The following HABP4 variants were observed in gnomAD, a reference collection of about 807,000 sequenced individuals.
The protein encoded by HABP4 is intracellular hyaluronan-binding protein 4.
HABP4 carries 32 observed loss-of-function variants against 44.1 expected under a neutral mutation model. The observed-to-expected ratio is 0.73, with a 90% confidence interval of 0.55 to 0.97. The LOEUF (loss-of-function observed/expected upper bound fraction) is 0.97, where lower values mean the gene tolerates loss of function less well. Among genes scored for constraint, HABP4 ranks in the 50% least tolerant of loss-of-function variants. HABP4 has a pLI of 0.00. For synonymous variants in HABP4, 216 were observed against 218.0 expected, an observed-to-expected ratio of 0.99 and a Z score of 0.08; for missense variants, 503 against 561.9, an observed-to-expected ratio of 0.90 and a Z score of 1.06.
intron 5 of HABP4, 104 bp downstream of exon 5, chr9:96,471,198 A>C: frequency 1.4e-6 from 1 of 695,064 alleles, no homozygotes; most frequent in Non-Finnish European, 2.6e-6. Flanking sequence ...GCTGGAGTGC[A>C]ATGGCACAAT....
chr9:96,453,426 G>C (rs1333632617), intron 1 of HABP4, among the ~76,000 whole-genome samples: 2 of 148,426 alleles, frequency 1.3e-5, no homozygotes, highest in Non-Finnish European at 3.0e-5. Context: ...GTCCAGGCTG[G>C]TCTTGAACTC....
At chr9:96,464,296 A>G (rs1033631275) in intron 2 of HABP4, among the ~76,000 whole-genome samples, 1 of 152,204 alleles carries the variant, frequency 6.6e-6, no homozygotes, top group Non-Finnish European at 1.5e-5. Flanking sequence ...TAGCATTAGC[A>G]TGGGGGGCCA....
chr9:96,472,265 C>T (rs778446120), intron 5 of HABP4, among the ~76,000 whole-genome samples: 9 of 152,158 alleles, frequency 5.9e-5, no homozygotes, highest in Non-Finnish European at 8.8e-5. Flanking sequence ...AGTAAATTCC[C>T]GGTCACTGAT....
intron 2 of HABP4, among the ~76,000 whole-genome samples, chr9:96,460,312 A>G (rs753704031): frequency 6.6e-5 from 10 of 152,138 alleles, no homozygotes; most frequent in Non-Finnish European, 1.2e-4. Context: ...GAGACCCCCC[A>G]CATACTAACT....
intron 5 of HABP4, chr9:96,483,270 A>T (rs1832910382): frequency 6.6e-6 from 1 of 152,034 alleles, no homozygotes; most frequent in African/African-American, 2.4e-5. Context: ...GCCTATTTGT[A>T]TATCTTCTCT....
chr9:96,482,157 C>T (rs1470282704), intron 5 of HABP4, among the ~76,000 whole-genome samples: 4 of 152,104 alleles, frequency 2.6e-5, no homozygotes, highest in Non-Finnish European at 5.9e-5. Flanking sequence ...CCAGGCTGGT[C>T]TCGAACTCCT....
At chr9:96,456,780 AATATATATATATATAT>A (rs71368267) in intron 1 of HABP4, among the ~76,000 whole-genome samples, 1,452 of 44,760 alleles carry the variant, frequency 0.032, 61 homozygotes, top group East Asian at 0.12. Flanking sequence ...AAAAAAAAAA[AATATATATATATATAT>A]ATATATATAT....
intron 6 of HABP4, among the ~76,000 whole-genome samples, chr9:96,487,292 TTTTAC>T (rs776185266): frequency 1.3e-5 from 2 of 152,182 alleles, no homozygotes; most frequent in Non-Finnish European, 2.9e-5. Context: ...TTCTGTAGGT[TTTTAC>T]TTTACTTAAA....
intron 5 of HABP4, among the ~76,000 whole-genome samples, chr9:96,476,679 T>C (rs1013519160): frequency 3.9e-5 from 6 of 152,364 alleles, no homozygotes; most frequent in African/African-American, 1.4e-4. Context: ...TAGTCATTGC[T>C]AAAACTGCCG....
At chr9:96,457,316 G>A (rs1356929207) in intron 1 of HABP4, among the ~76,000 whole-genome samples, 5 of 152,006 alleles carry the variant, frequency 3.3e-5, no homozygotes, top group Non-Finnish European at 7.4e-5. Flanking sequence ...ACTCCAGCCT[G>A]GGCAACAAGA....
chr9:96,467,309 G>A lies in HABP4; in HGVS notation c.743+1531G>A, dbSNP rs182067968. ...ACAAACTAATATCAAATGTAACAGC[G>A]TTAGATTTACTACCATTGCTCATTT... On this transcript the variant is annotated intron_variant, in intron 4 of 7. Coordinates refer to ENST00000375249, the MANE Select transcript of HABP4 (RefSeq NM_014282.4). Among the ~76,000 whole-genome samples the A allele has an allele frequency of 8.8e-4, 134 of 151,808 alleles. 1 individual carries two copies. The highest frequency in any genetic ancestry group is 1.6e-3 in the Non-Finnish European group (109 of 68,018).
intron 5 of HABP4, among the ~76,000 whole-genome samples, chr9:96,481,432 A>T (rs971188662): frequency 2.6e-5 from 4 of 152,042 alleles, no homozygotes; most frequent in African/African-American, 9.7e-5. Context: ...TAATTCTCGT[A>T]CTATAGCACT....
In HABP4 at chr9:96,468,175, C is replaced by T. The variant is rs112208535; in HGVS notation, c.743+2397C>T. On this transcript the variant is annotated intron_variant, in intron 4 of 7. Coordinates refer to ENST00000375249, the MANE Select transcript of HABP4 (RefSeq NM_014282.4). Reference sequence around the variant, plus strand: ...TTGGCTTACCATAACCTTGAAACCCCGGGCTCAGTTGATCCTTCCACCTCA... The same window carrying T: ...TTGGCTTACCATAACCTTGAAACCCTGGGCTCAGTTGATCCTTCCACCTCA... 2.6e-3 allele frequency among the ~76,000 whole-genome samples: 403 copies of T among 152,096 alleles called. 3 individuals carry two copies. The highest frequency in any genetic ancestry group is 9.3e-3 in the African/African-American group (387 of 41,496).
intron 5 of HABP4, among the ~76,000 whole-genome samples, chr9:96,472,229 C>T (rs1293861736): frequency 1.3e-5 from 2 of 152,186 alleles, no homozygotes; most frequent in African/African-American, 4.8e-5. Flanking sequence ...CACTACAAGT[C>T]ACATCGTGGG....
At chr9:96,451,558 G>A (rs1832278543) in intron 1 of HABP4, 1 of 725,732 alleles carries the variant, frequency 1.4e-6, no homozygotes, top group Non-Finnish European at 1.7e-6. Flanking sequence ...GTTCAACTTG[G>A]CTTTATTGGT....
chr9:96,491,332 CCTGA>C (rs1336268089), exon 8 of HABP4: 3 of 152,230 alleles, frequency 2.0e-5, no homozygotes, highest in African/African-American at 7.2e-5. Flanking sequence ...GGTATTCGCT[CCTGA>C]CTTTGTGTAG....
chr9:96,468,211 C>A (rs1832637627), intron 4 of HABP4, among the ~76,000 whole-genome samples: 1 of 151,682 alleles, frequency 6.6e-6, no homozygotes, highest in East Asian at 1.9e-4. Flanking sequence ...GCTTCCCGAG[C>A]AGCTAGGACT....
At chr9:96,468,961 A>G (rs537916939) in intron 4 of HABP4, among the ~76,000 whole-genome samples, 2 of 152,314 alleles carry the variant, frequency 1.3e-5, no homozygotes, top group Admixed American at 1.3e-4. Context: ...GTGGCTGGCA[A>G]AGCCCAAGTG....
Position 96,471,164 on chromosome 9 carries a change from G to A in HABP4, c.827+70G>A, listed in dbSNP as rs1257911993. 8.3e-6 allele frequency: 7 copies of A among 843,764 alleles called. No homozygotes were observed. In the East Asian group the frequency reaches 1.7e-4, roughly 21 times the overall value. The allele number at this position is 843,764 out of a possible 1,614,324, so 52.3% of individuals were successfully genotyped here. The stretch of plus-strand genomic sequence containing the variant: ...TTAATGATTTCTTTTTTTTTTTTGA[G>A]ATGGAACTTGCTTTGTCACCCAGGC... On this transcript the variant is annotated intron_variant, in intron 5 of 7. Coordinates refer to ENST00000375249, the MANE Select transcript of HABP4 (RefSeq NM_014282.4).
Sources: allele counts gnomAD v4.1 joint callset (sites outside exome capture counted in the v4.1 genomes callset), GRCh38; gene constraint gnomAD v4.1.1; transcripts MANE v1.5; gene names NCBI Gene and HGNC (gene_info 2026-07-23, HGNC 2026-07-21).